Variants in SESTD1 observed in about 807,000 individuals in gnomAD.
The protein encoded by SESTD1 is SEC14 domain and spectrin repeat-containing protein 1.
In SESTD1, 43 loss-of-function variants were observed where a neutral mutation model predicts 101.7. The ratio of observed to expected loss-of-function variants is 0.42; its 90% CI spans 0.33 to 0.55. SESTD1 has a LOEUF of 0.55. SESTD1 is among the 20% of genes least tolerant of loss of function. The pLI, the probability that SESTD1 is intolerant of heterozygous loss-of-function variation, is 0.07. For missense variants in SESTD1, 647 were observed against 815.1 expected, an observed-to-expected ratio of 0.79 and a Z score of 2.51; for synonymous variants, 283 against 286.8, an observed-to-expected ratio of 0.99 and a Z score of 0.13.
intron 5 of SESTD1, among the ~76,000 whole-genome samples, chr2:179,157,896 T>C (rs1223988898): frequency 2.6e-5 from 4 of 152,288 alleles, no homozygotes; most frequent in Admixed American, 2.6e-4. Context: ...ATGCACAAGA[T>C]GTAGAATAAA....
intron 1 of SESTD1, among the ~76,000 whole-genome samples, chr2:179,224,483 TACA>T (rs1423399031): frequency 6.6e-6 from 1 of 152,242 alleles, no homozygotes; most frequent in Non-Finnish European, 1.5e-5. Flanking sequence ...ACAAAGCTCA[TACA>T]ACTCTTGCAA....
chr2:179,250,745 A>C (rs2047305088), intron 1 of SESTD1, among the ~76,000 whole-genome samples: 1 of 152,206 alleles, frequency 6.6e-6, no homozygotes, highest in African/African-American at 2.4e-5. Context: ...CTGAGGTACT[A>C]GGGGTTAGAG....
intron 1 of SESTD1, among the ~76,000 whole-genome samples, chr2:179,200,694 G>A (rs548572367): frequency 7.0e-5 from 10 of 141,898 alleles, no homozygotes; most frequent in East Asian, 2.0e-4. Flanking sequence ...TTTAATAAAC[G>A]GTGCTGGGAA....
At chr2:179,116,854 C>T in intron 14 of SESTD1, 64 bp from the exon 15 acceptor site, 2 of 1,568,448 alleles carry the variant, frequency 1.3e-6, no homozygotes, top group Non-Finnish European at 1.7e-6. Flanking sequence ...ATCAAAATGT[C>T]ATTTATACAG....
intron 10 of SESTD1, 94 bp from the exon 11 acceptor site, chr2:179,124,652 A>G (rs540244008): frequency 4.5e-6 from 5 of 1,104,578 alleles, no homozygotes; most frequent in East Asian, 2.6e-5. Context: ...TAAGTAATAC[A>G]TGATTTTTTT....
At chr2:179,239,007 G>A (rs1442558275) in intron 1 of SESTD1, among the ~76,000 whole-genome samples, 4 of 152,146 alleles carry the variant, frequency 2.6e-5, no homozygotes, top group Non-Finnish European at 5.9e-5. Context: ...ATTCAAGAGT[G>A]TCTCATTTAT....
At chr2:179,256,067 A>G (rs1346130600) in intron 1 of SESTD1, among the ~76,000 whole-genome samples, 2 of 152,240 alleles carry the variant, frequency 1.3e-5, no homozygotes, top group African/African-American at 4.8e-5. Flanking sequence ...CTCATTGGCA[A>G]TGCACCTGGT....
chr2:179,188,792 CAA>C (rs1442392600), intron 2 of SESTD1, among the ~76,000 whole-genome samples: 1 of 152,078 alleles, frequency 6.6e-6, no homozygotes, highest in African/African-American at 2.4e-5. Flanking sequence ...TACAGAAATA[CAA>C]AAGACTTCTG....
At chr2:179,132,222 A>G in intron 10 of SESTD1, 82 bp downstream of exon 10, 1 of 1,424,170 alleles carries the variant, frequency 7.0e-7, no homozygotes, top group Non-Finnish European at 9.2e-7. Flanking sequence ...GTTTGCAGCA[A>G]CTTATCACTC....
At chr2:179,132,203 C>A in intron 10 of SESTD1, 101 bp downstream of exon 10, 1 of 1,355,732 alleles carries the variant, frequency 7.4e-7, no homozygotes, top group Non-Finnish European at 9.6e-7. Context: ...CTTCATGCCC[C>A]ATACCAAAGT....
intron 5 of SESTD1, among the ~76,000 whole-genome samples, chr2:179,152,353 C>T (rs974027793): frequency 1.3e-5 from 2 of 152,052 alleles, no homozygotes; most frequent in South Asian, 2.1e-4. Context: ...TACCACAGAG[C>T]GCATGTGCGA....
At chr2:179,188,413 G>A (rs745322979) in intron 2 of SESTD1, among the ~76,000 whole-genome samples, 7 of 152,160 alleles carry the variant, frequency 4.6e-5, no homozygotes, top group Non-Finnish European at 8.8e-5. Flanking sequence ...CAAAGTGAGC[G>A]AGTCACTTGA....
At chr2:179,172,283 T>C in intron 4 of SESTD1, 50 bp from the exon 5 acceptor site, 1 of 1,206,520 alleles carries the variant, frequency 8.3e-7, no homozygotes, top group Non-Finnish European at 1.2e-6. Flanking sequence ...AAATGAATAA[T>C]TTACTAAATT....
At chr2:179,145,728 G>A (rs2045380713) in intron 8 of SESTD1, among the ~76,000 whole-genome samples, 1 of 152,194 alleles carries the variant, frequency 6.6e-6, no homozygotes, top group Non-Finnish European at 1.5e-5. Flanking sequence ...TTTAGCTATG[G>A]AGAGAGAGCT....
At position 179,109,901 on chromosome 2, in the gene SESTD1, A is replaced by G. The variant is rs374410769; in HGVS notation, c.2089T>C (p.Ter697GlnextTer1). ...AATCTGTAGGTAGCTGGTAGCTATT[A>G]GCTCTCTGTGGTCACCATTTCAGGA... Reference protein sequence around the residue: ...RHPEMVTTES* With the variant: ...RHPEMVTTESQ The change falls in exon 18 of 18, where the codon TAA becomes CAA. Residue 697 changes from the stop codon to glutamine, a stop_lost. Coordinates refer to ENST00000428443, the MANE Select transcript of SESTD1 (RefSeq NM_178123.5). 5 of 1,613,762 alleles carry G rather than the reference A, an allele frequency of 3.1e-6. No individual in the cohort carries two copies. The highest frequency in any genetic ancestry group is 4.2e-6 in the Non-Finnish European group (5 of 1,179,842).
At chr2:179,110,178 C>G in intron 17 of SESTD1, 150 bp from the exon 18 acceptor site, 1 of 720,672 alleles carries the variant, frequency 1.4e-6, no homozygotes, top group Non-Finnish European at 2.2e-6. Flanking sequence ...ACTGTTTGAG[C>G]AGGAAATTCA....
intron 10 of SESTD1, among the ~76,000 whole-genome samples, chr2:179,131,155 G>A (rs1385006544): frequency 6.7e-6 from 1 of 148,250 alleles, no homozygotes. Context: ...TTAGGGTATA[G>A]TAGTAGATTT....
Position 179,183,166 on chromosome 2 carries a change from G to A in SESTD1, c.78C>T (p.Gly26=), listed in dbSNP as rs775173839. The change falls in exon 3 of 18, where the codon GGC becomes GGT. Residue 26 remains glycine, a synonymous_variant. Coordinates refer to ENST00000428443, the MANE Select transcript of SESTD1 (RefSeq NM_178123.5). ...GGCATAATGGAATTGTCAAAATGAG[G>A]CCACTCCGTCTGTCTTTTCCTCCTA... ...FLSGGKDRRS[G]LILTIPLCLE... 2 of 1,611,070 alleles carry A rather than the reference G, an allele frequency of 1.2e-6. No individual in the cohort carries two copies. Among genetic ancestry groups the A allele is most frequent in the Admixed American group, 1.7e-5 (1 of 59,608 alleles).
chr2:179,263,141 A>C (rs1292888868), intron 1 of SESTD1, among the ~76,000 whole-genome samples: 1 of 152,190 alleles, frequency 6.6e-6, no homozygotes, highest in Non-Finnish European at 1.5e-5. Flanking sequence ...CAGCCTATAG[A>C]GTTGTGAAAT....
Sources: allele counts gnomAD v4.1 joint callset (sites outside exome capture counted in the v4.1 genomes callset), GRCh38; gene constraint gnomAD v4.1.1; transcripts MANE v1.5; gene names NCBI Gene and HGNC (gene_info 2026-07-23, HGNC 2026-07-21).